The following NELL2 variants were observed in gnomAD, a reference collection of about 807,000 sequenced individuals.
NELL2 encodes the protein neural EGFL like 2.
NELL2 carries 41 observed loss-of-function variants against 109.6 expected under a neutral mutation model. That is an observed-to-expected ratio of 0.37 (90% CI 0.29 to 0.49). NELL2 has a LOEUF of 0.49. NELL2 is among the 20% of genes least tolerant of loss of function. The probability of loss-of-function intolerance (pLI) is 0.98; values close to 1 mark genes in which losing one functional copy is unlikely to be tolerated. For synonymous variants in NELL2, 355 were observed against 344.7 expected (o/e 1.03, Z -0.33); for missense variants, 900 against 1,008.3 (o/e 0.89, Z 1.45).
At chr12:44,820,375 G>C (rs1021972894) in intron 2 of NELL2, among the ~76,000 whole-genome samples, 2 of 152,102 alleles carry the variant, frequency 1.3e-5, no homozygotes, top group African/African-American at 4.8e-5. Context: ...TTGGGAGTCC[G>C]AAGCGGACAG....
intron 1 of NELL2, among the ~76,000 whole-genome samples, chr12:44,903,253 G>A (rs1175568156): frequency 6.6e-6 from 1 of 152,152 alleles, no homozygotes; most frequent in Non-Finnish European, 1.5e-5. Flanking sequence ...CTTTTCAAAA[G>A]AAGACATTTA....
intron 15 of NELL2, among the ~76,000 whole-genome samples, chr12:44,561,016 C>G (rs1436175416): frequency 1.3e-5 from 2 of 152,180 alleles, no homozygotes; most frequent in African/African-American, 4.8e-5. Flanking sequence ...GGATGCAAGG[C>G]TGGTTCAACA....
intron 3 of NELL2, among the ~76,000 whole-genome samples, chr12:44,792,698 T>C (rs116432469): frequency 0.014 from 2,180 of 152,270 alleles, 56 homozygotes; most frequent in African/African-American, 0.05. Context: ...CCAATCAGAT[T>C]AGCAAAAATT....
chr12:44,670,095 A>G (rs949545518), intron 12 of NELL2, among the ~76,000 whole-genome samples: 1 of 152,190 alleles, frequency 6.6e-6, no homozygotes, highest in African/African-American at 2.4e-5. Flanking sequence ...AAGTGCTGAA[A>G]GAGAAAAACA....
intron 2 of NELL2, among the ~76,000 whole-genome samples, chr12:44,873,688 A>T (rs949358780): frequency 1.3e-5 from 2 of 151,968 alleles, no homozygotes; most frequent in Admixed American, 1.3e-4. Context: ...CTTTGTTTCC[A>T]GTTCATAGGG....
At chr12:44,667,925 G>A (rs1317610102) in intron 12 of NELL2, among the ~76,000 whole-genome samples, 1 of 152,168 alleles carries the variant, frequency 6.6e-6, no homozygotes, top group Non-Finnish European at 1.5e-5. Flanking sequence ...AAACTGCCTA[G>A]AATCCATAGG....
intron 17 of NELL2, chr12:44,523,082 T>G: frequency 1.7e-6 from 1 of 584,718 alleles, no homozygotes; most frequent in Non-Finnish European, 3.0e-6. Context: ...AGGGACTGGA[T>G]GCAGTTTTTG....
chr12:44,830,090 TC>T (rs1245381438), intron 2 of NELL2, among the ~76,000 whole-genome samples: 1 of 152,208 alleles, frequency 6.6e-6, no homozygotes, highest in Non-Finnish European at 1.5e-5. Flanking sequence ...AGGTAAGATT[TC>T]TATTATATAT....
At chr12:44,602,894 C>A (rs1945269410) in intron 15 of NELL2, among the ~76,000 whole-genome samples, 1 of 151,996 alleles carries the variant, frequency 6.6e-6, no homozygotes, top group Non-Finnish European at 1.5e-5. Context: ...ATAATAAATG[C>A]TAACTTTGGA....
chr12:44,686,711 C>T (rs1480464369), intron 12 of NELL2, among the ~76,000 whole-genome samples: 1 of 152,042 alleles, frequency 6.6e-6, no homozygotes, highest in Non-Finnish European at 1.5e-5. Context: ...GGGGGTGCCT[C>T]CCAGTTAGTC....
intron 2 of NELL2, among the ~76,000 whole-genome samples, chr12:44,823,205 C>A (rs1943599772): frequency 6.6e-6 from 1 of 152,050 alleles, no homozygotes; most frequent in African/African-American, 2.4e-5. Flanking sequence ...ATGATTACTA[C>A]CATCAAGCTT....
At chr12:44,871,449 T>C (rs144569141) in intron 2 of NELL2, among the ~76,000 whole-genome samples, 42 of 152,346 alleles carry the variant, frequency 2.8e-4, no homozygotes, top group Non-Finnish European at 5.0e-4. Context: ...ACTCGCTTAA[T>C]TGTCATAACA....
rs1265603008 is a variant in NELL2 at position 44,598,883 on chromosome 12, A to ACACACACACACACACACACACT, written c.1663+8285_1663+8286insAGTGTGTGTGTGTGTGTGTGTG. On this transcript the variant is annotated intron_variant, in intron 15 of 19. Coordinates refer to ENST00000429094, the MANE Select transcript of NELL2 (RefSeq NM_001145108.2). The stretch of plus-strand genomic sequence containing the variant: ...CACACACACACACACACACACACAC[A>ACACACACACACACACACACACT]CTCTCTCTCTCTCTCTCTCTCTCTC... Among the ~76,000 whole-genome samples the ACACACACACACACACACACACT allele has an allele frequency of 1.4e-4, 20 of 144,042 alleles. No homozygotes were observed. In the East Asian group the frequency reaches 1.4e-3, roughly 10 times the overall value. 94.5% of individuals were successfully genotyped at this position (144,042 alleles called of 152,430 possible).
chr12:44,523,400 C>T lies in NELL2; in HGVS notation c.1889G>A (p.Cys630Tyr), dbSNP rs751489476. The T allele has an allele frequency of 3.1e-6, 5 of 1,614,032 alleles. No homozygotes were observed. Among genetic ancestry groups the T allele is most frequent in the Non-Finnish European group, 4.2e-6 (5 of 1,180,016 alleles). Residue 630 changes from cysteine to tyrosine, a missense_variant, in exon 17 of 20, where the codon TGT (cysteine) becomes TAT (tyrosine). Transcript: ENST00000429094. ...CCCTGTGCAATTCTTTCCATGAGGA[C>T]ATCGACAATCATATCCGCCATCCAA... ...FNLDGGYDCR[C>Y]PHGKNCTGDC...
chr12:44,678,268 AG>A (rs1186117009), intron 12 of NELL2, among the ~76,000 whole-genome samples: 1 of 152,104 alleles, frequency 6.6e-6, no homozygotes, highest in Non-Finnish European at 1.5e-5. Flanking sequence ...TCTTCAAGAA[AG>A]GAAACTCAAA....
intron 2 of NELL2, among the ~76,000 whole-genome samples, chr12:44,816,785 C>G (rs1650557663): frequency 6.6e-6 from 1 of 152,132 alleles, no homozygotes; most frequent in Non-Finnish European, 1.5e-5. Context: ...GAAAGCCTAG[C>G]CAAGGGAAGT....
At chr12:44,550,475 T>C (rs995001893) in intron 15 of NELL2, among the ~76,000 whole-genome samples, 1 of 146,728 alleles carries the variant, frequency 6.8e-6, no homozygotes, top group Non-Finnish European at 1.5e-5. Context: ...ACCCGAGAGG[T>C]AGAGGTTGCA....
chr12:44,875,744 C>T, intron 1 of NELL2, 71 bp downstream of exon 1: 4 of 1,610,750 alleles, frequency 2.5e-6, no homozygotes, highest in Non-Finnish European at 3.4e-6. Context: ...AGCGAGGCTT[C>T]CCCAGCCAGC....
intron 1 of NELL2, among the ~76,000 whole-genome samples, chr12:44,890,082 T>A (rs1044182379): frequency 3.3e-5 from 5 of 152,214 alleles, no homozygotes; most frequent in African/African-American, 1.2e-4. Flanking sequence ...TCTGTTCACA[T>A]GTATCATTTA....
Sources: gnomAD v4.1 joint callset for allele counts (sites outside exome capture counted in the v4.1 genomes callset) on GRCh38, gnomAD v4.1.1 for gene constraint, MANE v1.5 for transcripts, NCBI Gene and HGNC (gene_info 2026-07-23, HGNC 2026-07-21) for gene names.